The following NEGR1 variants were observed in gnomAD, a reference collection of about 807,000 sequenced individuals.
NEGR1 encodes the protein IgLON family member 4.
In NEGR1, 10 loss-of-function variants were observed where a neutral mutation model predicts 40.9. The ratio of observed to expected loss-of-function variants is 0.24; its 90% confidence interval spans 0.15 to 0.42. The LOEUF (loss-of-function observed/expected upper bound fraction) is 0.42. NEGR1 is among the 10% of genes least tolerant of loss of function. The pLI, the probability that NEGR1 is intolerant of heterozygous loss-of-function variation, is 1.00. For missense variants in NEGR1, 352 were observed against 438.9 expected, an observed-to-expected ratio of 0.80 and a Z score of 1.77; for synonymous variants, 185 against 166.8, an observed-to-expected ratio of 1.11 and a Z score of -0.84.
intron 1 of NEGR1, among the ~76,000 whole-genome samples, chr1:71,970,065 C>G (rs1398779106): frequency 8.5e-5 from 13 of 152,154 alleles, no homozygotes; most frequent in Admixed American, 8.5e-4. Context: ...GAGCCCATAG[C>G]AGGTTCACCA....
At chr1:71,855,400 GA>G (rs35547273) in intron 2 of NEGR1, among the ~76,000 whole-genome samples, 28,746 of 151,876 alleles carry the variant, frequency 0.19, 3,622 homozygotes, top group East Asian at 0.5. Flanking sequence ...CATCCTAGGA[GA>G]AAAGCAGTTG....
intron 2 of NEGR1, among the ~76,000 whole-genome samples, chr1:71,800,719 A>G (rs929192330): frequency 6.6e-6 from 1 of 152,098 alleles, no homozygotes; most frequent in African/African-American, 2.4e-5. Context: ...CCACTTGAGC[A>G]CTAAGTCCAT....
intron 2 of NEGR1, among the ~76,000 whole-genome samples, chr1:71,813,280 C>T (rs1043125575): frequency 3.3e-5 from 5 of 152,020 alleles, no homozygotes; most frequent in Non-Finnish European, 7.4e-5. Context: ...TATTCTGTTC[C>T]ATTGGTCTAT....
intron 1 of NEGR1, among the ~76,000 whole-genome samples, chr1:72,168,479 T>C (rs1651847434): frequency 6.6e-6 from 1 of 152,082 alleles, no homozygotes; most frequent in Admixed American, 6.6e-5. Context: ...GATTTTCTGG[T>C]GGGTTTTCTT....
At chr1:72,265,152 C>A (rs1655598704) in intron 1 of NEGR1, among the ~76,000 whole-genome samples, 1 of 150,846 alleles carries the variant, frequency 6.6e-6, no homozygotes, top group South Asian at 2.1e-4. Context: ...TACACTTACA[C>A]TAAACTCTTG....
chr1:71,642,152 C>T (rs535584710), intron 4 of NEGR1, among the ~76,000 whole-genome samples: 2 of 152,030 alleles, frequency 1.3e-5, no homozygotes, highest in Admixed American at 6.6e-5. Flanking sequence ...TTCAGACGTT[C>T]ATTGGGATAG....
chr1:71,610,557 T>C (rs1448056414), intron 5 of NEGR1, among the ~76,000 whole-genome samples: 1 of 152,190 alleles, frequency 6.6e-6, no homozygotes, highest in Non-Finnish European at 1.5e-5. Flanking sequence ...AGTGACAGAA[T>C]ATCTAAAACA....
intron 1 of NEGR1, among the ~76,000 whole-genome samples, chr1:72,241,656 C>A (rs1654748964): frequency 6.6e-6 from 1 of 151,498 alleles, no homozygotes; most frequent in South Asian, 2.1e-4. Flanking sequence ...AGACAATCAG[C>A]AAACAATAGT....
At chr1:71,732,751 T>C (rs1181084465) in intron 3 of NEGR1, among the ~76,000 whole-genome samples, 2 of 152,194 alleles carry the variant, frequency 1.3e-5, no homozygotes, top group Non-Finnish European at 2.9e-5. Flanking sequence ...ATTTTCTCTT[T>C]ATGCTATTGT....
intron 1 of NEGR1, among the ~76,000 whole-genome samples, chr1:72,211,428 T>C (rs1435721811): frequency 6.6e-6 from 1 of 151,462 alleles, no homozygotes; most frequent in African/African-American, 2.4e-5. Context: ...TATGTAACTG[T>C]AGAATACAAA....
intron 2 of NEGR1, among the ~76,000 whole-genome samples, chr1:71,811,182 C>G (rs962778454): frequency 5.3e-5 from 8 of 152,086 alleles, no homozygotes; most frequent in South Asian, 2.1e-4. Context: ...GGAACTGTAA[C>G]CATCTCCATG....
intron 4 of NEGR1, among the ~76,000 whole-genome samples, chr1:71,623,275 T>A (rs577932716): frequency 1.3e-5 from 2 of 152,018 alleles, no homozygotes; most frequent in East Asian, 3.9e-4. Context: ...GTTAAGCGAA[T>A]GACATTTTCC....
intron 6 of NEGR1, among the ~76,000 whole-genome samples, chr1:71,456,066 C>T (rs1230302775): frequency 6.6e-6 from 1 of 152,026 alleles, no homozygotes; most frequent in Admixed American, 6.6e-5. Context: ...AGCTATATAA[C>T]CAAAATTTCA....
chr1:72,085,120 C>T (rs994765777), intron 1 of NEGR1, among the ~76,000 whole-genome samples: 1 of 152,094 alleles, frequency 6.6e-6, no homozygotes, highest in African/African-American at 2.4e-5. Context: ...GTGATTACAC[C>T]AGATTATTTT....
At chr1:71,571,656 G>C (rs539536855) in intron 6 of NEGR1, among the ~76,000 whole-genome samples, 1 of 152,052 alleles carries the variant, frequency 6.6e-6, no homozygotes, top group South Asian at 2.1e-4. Flanking sequence ...AGCCAGACAG[G>C]GTGGCATGCG....
intron 1 of NEGR1, among the ~76,000 whole-genome samples, chr1:72,125,622 C>T (rs1004270171): frequency 3.3e-5 from 5 of 152,056 alleles, no homozygotes; most frequent in Non-Finnish European, 7.4e-5. Context: ...GGGATATACA[C>T]AGAGCACAGA....
chr1:71,795,692 T>C (rs1383960938), intron 2 of NEGR1, among the ~76,000 whole-genome samples: 1 of 152,068 alleles, frequency 6.6e-6, no homozygotes, highest in Non-Finnish European at 1.5e-5. Context: ...GCAGACAAAA[T>C]GAGTTAACTG....
chr1:71,880,661 C>A (rs186622989), intron 2 of NEGR1, among the ~76,000 whole-genome samples: 1 of 152,060 alleles, frequency 6.6e-6, no homozygotes, highest in East Asian at 1.9e-4. Flanking sequence ...TGGCAAAATA[C>A]GAATTTGCAG....
At chr1:71,458,091 TATTTAACTGC>T (rs1299991585) in intron 6 of NEGR1, among the ~76,000 whole-genome samples, 1 of 152,200 alleles carries the variant, frequency 6.6e-6, no homozygotes, top group Non-Finnish European at 1.5e-5. Flanking sequence ...ATCCTAGATC[TATTTAACTGC>T]AAAGTTTGAG....
Sources: allele counts gnomAD v4.1 joint callset (sites outside exome capture counted in the v4.1 genomes callset), GRCh38; gene constraint gnomAD v4.1.1; transcripts MANE v1.5; gene names NCBI Gene and HGNC (gene_info 2026-07-23, HGNC 2026-07-21).